Variants in STAT5B observed in about 807,000 individuals in gnomAD.
STAT5B encodes signal transducer and activator of transcription 5B, also known as transcription factor STAT5B.
Under a neutral mutation model 107.8 loss-of-function variants are expected in STAT5B, and 21 were observed. The ratio of observed to expected loss-of-function variants is 0.19; its 90% confidence interval spans 0.14 to 0.28. The LOEUF is 0.28. Ranked by LOEUF, STAT5B falls within the 10% of genes least tolerant of loss-of-function variation. The pLI is 1.00. For synonymous variants in STAT5B, 325 were observed against 401.7 expected (o/e 0.81, Z 2.28); for missense variants, 565 against 1,008.2 (o/e 0.56, Z 5.95).
intron 15 of STAT5B, among the ~76,000 whole-genome samples, chr17:42,209,668 G>A (rs569326491): frequency 2.6e-4 from 39 of 152,256 alleles, no homozygotes; most frequent in African/African-American, 9.1e-4. Context: ...TGTTTGTGCC[G>A]CTGCACTCCA....
At chr17:42,252,814 A>G (rs1396996146) in intron 1 of STAT5B, among the ~76,000 whole-genome samples, 1 of 152,230 alleles carries the variant, frequency 6.6e-6, no homozygotes, top group Non-Finnish European at 1.5e-5. Flanking sequence ...AATTTCAAAG[A>G]GAAGAATTAC....
intron 17 of STAT5B, 105 bp downstream of exon 17, chr17:42,202,652 G>T: frequency 6.3e-7 from 1 of 1,590,050 alleles, no homozygotes; most frequent in Non-Finnish European, 8.6e-7. Flanking sequence ...GGCTGAGACA[G>T]TTTCCCCGGG....
In STAT5B at chr17:42,223,698, C is replaced by G. The variant is rs16967588; in HGVS notation, c.376-142G>C. The G allele has an allele frequency of 3.5e-3, 3,258 of 927,022 alleles. 70 individuals carry two copies. The African/African-American group carries it at 0.049, about 14-fold the overall frequency. 57.4% of individuals were successfully genotyped at this position (927,022 alleles called of 1,614,324 possible). ...AGTCGGGAGGAAAAGCAAACGTCAT[C>G]ATGAGACACAGGGTGGAGTGGGAAA... On this transcript the variant is annotated intron_variant, in intron 4 of 18. Coordinates refer to ENST00000293328, the MANE Select transcript of STAT5B (RefSeq NM_012448.4).
At chr17:42,225,351 A>C (rs969124842) in intron 3 of STAT5B, among the ~76,000 whole-genome samples, 1 of 152,196 alleles carries the variant, frequency 6.6e-6, no homozygotes, top group Admixed American at 6.5e-5. Context: ...TAATTTGCCT[A>C]AAGTATCCGG....
chr17:42,274,238 C>A (rs894754582), intron 1 of STAT5B, among the ~76,000 whole-genome samples: 1 of 123,782 alleles, frequency 8.1e-6, no homozygotes, highest in Non-Finnish European at 1.6e-5. Flanking sequence ...AACCAAACTA[C>A]TGGTGATAGA....
At chr17:42,252,303 T>C (rs2080507286) in intron 1 of STAT5B, among the ~76,000 whole-genome samples, 1 of 152,182 alleles carries the variant, frequency 6.6e-6, no homozygotes, top group Admixed American at 6.6e-5. Context: ...ATGTCTTTGA[T>C]CATTTTGATA....
intron 16 of STAT5B, among the ~76,000 whole-genome samples, chr17:42,203,397 C>G (rs1458438167): frequency 1.3e-5 from 2 of 151,334 alleles, no homozygotes; most frequent in Admixed American, 1.3e-4. Flanking sequence ...AAGTCAAGCA[C>G]TAATTGCATA....
At chr17:42,260,166 C>T (rs1285179391) in intron 1 of STAT5B, among the ~76,000 whole-genome samples, 6 of 152,216 alleles carry the variant, frequency 3.9e-5, no homozygotes, top group Non-Finnish European at 7.4e-5. Context: ...TAAATGTAAA[C>T]CTGGAAACTG....
rs2080038266 is a variant in STAT5B at position 42,200,865 on chromosome 17, A to T, written c.*873T>A. 3 of 390,174 alleles carry T rather than the reference A, an allele frequency of 7.7e-6. No homozygotes were observed. The highest frequency in any genetic ancestry group is 1.4e-5 in the Non-Finnish European group (3 of 221,138). The allele number at this position is 390,174 out of a possible 1,614,324, so 24.2% of individuals were successfully genotyped here. ...AGCCGGAACAGCAGCTTCCTGGGTA[A>T]CCAGGCAACAATCTCAGCGCCTGGG... On this transcript the variant is annotated 3_prime_UTR_variant, in exon 19 of 19. Transcript: ENST00000293328.
At chr17:42,281,039 CAGG>C (rs2080793277), upstream of STAT5B, among the ~76,000 whole-genome samples, 1 of 151,628 alleles carries the variant, frequency 6.6e-6, no homozygotes, top group African/African-American at 2.4e-5. Flanking sequence ...GAGGCTGAGC[CAGG>C]AGAATGGCGT....
At position 42,276,316 on chromosome 17, in the gene STAT5B, G is replaced by GCTCC. The variant is rs1199106301; in HGVS notation, c.-83_-80dup. ...GTCTGGCTTGCCCGCCCGCCCGCTC[G>GCTCC]CTCCCTCCCTCGGCCGGGCCGCCGC... On this transcript the variant is annotated 5_prime_UTR_variant, in exon 1 of 19. Transcript: ENST00000293328. This position sits in a 1 kb window ranked among gnomAD's most constrained non-coding sequence, Gnocchi z 4.8. 6.8e-6 allele frequency: 1 copy of GCTCC among 146,880 alleles called. No individual in the cohort carries two copies. Among genetic ancestry groups the GCTCC allele is most frequent in the Non-Finnish European group, 1.5e-5 (1 of 66,020 alleles). The allele number at this position is 146,880 out of a possible 1,614,324, so 9.1% of individuals were successfully genotyped here. A position where few individuals can be genotyped will look rare whatever the true frequency, so the allele number is the denominator to read the frequency against.
Position 42,217,281 on chromosome 17 carries a change from G to C in STAT5B, c.1259C>G (p.Ser420Cys), listed in dbSNP as rs1270662163. The change falls in exon 11 of 19, where the codon TCC becomes TGC. Residue 420 changes from serine (S) to cysteine (C), a missense_variant and splice_region_variant. This residue lies in a region of STAT5B where 127 missense variants were observed against 215.8 expected (regional missense o/e 0.59). Coordinates refer to ENST00000293328, the MANE Select transcript of STAT5B (RefSeq NM_012448.4). ...GTLSAHFRNM[S>C]LKRIKRSDRR... Reference sequence around the variant, plus strand: ...GTCTGACCTCTTAATTCGTTTCAGGGACTACAAAGAAGAAACATAAGATGA... The same window carrying C: ...GTCTGACCTCTTAATTCGTTTCAGGCACTACAAAGAAGAAACATAAGATGA... 1 of 1,614,154 alleles carries C rather than the reference G, an allele frequency of 6.2e-7. No homozygotes were observed. The highest frequency in any genetic ancestry group is 2.2e-5 in the East Asian group (1 of 44,886).
At chr17:42,265,148 T>C (rs1009266319) in intron 1 of STAT5B, among the ~76,000 whole-genome samples, 4 of 148,498 alleles carry the variant, frequency 2.7e-5, no homozygotes, top group Non-Finnish European at 6.0e-5. Flanking sequence ...TTTTCTCCCA[T>C]TTTGTAGGTT....
intron 13 of STAT5B, among the ~76,000 whole-genome samples, chr17:42,211,487 C>G (rs940731753): frequency 7.9e-5 from 12 of 151,020 alleles, no homozygotes; most frequent in Admixed American, 7.3e-4. Flanking sequence ...GCCTGGGCAA[C>G]AAGAGCGAAA....
chr17:42,212,711 ATAGGT>A (rs2144226569), intron 12 of STAT5B, among the ~76,000 whole-genome samples: 1 of 152,374 alleles, frequency 6.6e-6, no homozygotes, highest in South Asian at 2.1e-4. Flanking sequence ...TTATTGAGAA[ATAGGT>A]TAGAAGATTA....
At chr17:42,251,182 T>C (rs2080496581) in intron 1 of STAT5B, among the ~76,000 whole-genome samples, 3 of 152,110 alleles carry the variant, frequency 2.0e-5, no homozygotes, top group Admixed American at 2.0e-4. Flanking sequence ...GGGTTCACCT[T>C]CATTCTTTTA....
chr17:42,267,113 CAT>C (rs2080679702), intron 1 of STAT5B, among the ~76,000 whole-genome samples: 1 of 152,164 alleles, frequency 6.6e-6, no homozygotes, highest in Admixed American at 6.5e-5. Flanking sequence ...GCATGACTCA[CAT>C]GTTTGTGGCA....
rs148074171 is a variant in STAT5B at position 42,246,438 on chromosome 17, T to C, written c.-10-14301A>G. On this transcript the variant is annotated intron_variant, in intron 1 of 18. Transcript: ENST00000293328. ...AAAATGCAATTCTTTCACTTTCAAA[T>C]ATATAGTGCCTTAAATGTGTTTTCA... Among the ~76,000 whole-genome samples, 18 of 152,306 alleles carry C rather than the reference T, an allele frequency of 1.2e-4. 1 individual carries two copies. In the East Asian group the frequency reaches 3.3e-3, roughly 28 times the overall value.
Position 42,219,805 on chromosome 17 carries a change from C to T in STAT5B, c.588G>A (p.Glu196=). The change falls in exon 6 of 19, where the codon GAG becomes GAA. Residue 196 remains glutamate (E), a synonymous_variant. Coordinates refer to ENST00000293328, the MANE Select transcript of STAT5B (RefSeq NM_012448.4). ...GGAGGGCCGTCTCCCGGCTCAGACGCTCCTGGGGGCTCAGCTGGGCCAGCG... is the reference window on the plus strand; with the variant it reads ...GGAGGGCCGTCTCCCGGCTCAGACGTTCCTGGGGGCTCAGCTGGGCCAGCG... The part of the protein sequence containing the change: ...FGPLAQLSPQ[E]RLSRETALQQ... 6.2e-7 allele frequency: 1 copy of T among 1,614,096 alleles called. No individual in the cohort carries two copies. The highest frequency in any genetic ancestry group is 8.5e-7 in the Non-Finnish European group (1 of 1,180,010).
Sources: gnomAD v4.1 joint callset for allele counts (sites outside exome capture counted in the v4.1 genomes callset) on GRCh38, gnomAD v4.1.1 for gene constraint, gnomAD v4.1.1 regional missense constraint, Gnocchi (gnomAD v3.1) non-coding constraint, MANE v1.5 for transcripts, NCBI Gene and HGNC (gene_info 2026-07-23, HGNC 2026-07-21) for gene names.